The following PRKG1 variants were observed in gnomAD, a reference collection of about 807,000 sequenced individuals.
PRKG1 encodes the protein cGMP-dependent protein kinase 1.
PRKG1 carries 35 observed loss-of-function variants against 88.1 expected under a neutral mutation model. The observed-to-expected ratio is 0.40, with a 90% CI of 0.30 to 0.53. The LOEUF is 0.53. Ranked by LOEUF, PRKG1 falls within the 20% of genes least tolerant of loss-of-function variation. The pLI is 0.59. For synonymous variants in PRKG1, 303 were observed against 292.5 expected, an observed-to-expected ratio of 1.04 and a Z score of -0.37; for missense variants, 540 against 839.8, an observed-to-expected ratio of 0.64 and a Z score of 4.41.
At chr10:51,535,618 T>C (rs1444109944) in intron 3 of PRKG1, among the ~76,000 whole-genome samples, 1 of 152,050 alleles carries the variant, frequency 6.6e-6, no homozygotes, top group Non-Finnish European at 1.5e-5. Context: ...ATGTAGTAGC[T>C]TAAATGAGAA....
intron 7 of PRKG1, among the ~76,000 whole-genome samples, chr10:52,133,041 T>C (rs1265191102): frequency 6.6e-6 from 1 of 152,100 alleles, no homozygotes; most frequent in Non-Finnish European, 1.5e-5. Context: ...AGTTAAGTCT[T>C]AGTCATTCTT....
intron 6 of PRKG1, among the ~76,000 whole-genome samples, chr10:52,055,962 A>G (rs1205497814): frequency 6.6e-6 from 1 of 152,180 alleles, no homozygotes; most frequent in Non-Finnish European, 1.5e-5. Context: ...GTGTATGCAT[A>G]TGTCAGTATT....
intron 17 of PRKG1, 47 bp from the exon 18 acceptor site, chr10:52,293,755 T>C (rs1185545478): frequency 6.7e-7 from 1 of 1,489,926 alleles, no homozygotes; most frequent in Non-Finnish European, 9.3e-7. Flanking sequence ...CAGCTTGGAA[T>C]TCCACTAAAA....
intron 5 of PRKG1, among the ~76,000 whole-genome samples, chr10:51,952,545 A>G (rs1843209258): frequency 6.6e-6 from 1 of 152,228 alleles, no homozygotes; most frequent in African/African-American, 2.4e-5. Flanking sequence ...ATATATTTAG[A>G]TTAGATATAG....
chr10:51,821,648 T>C (rs1295499854), intron 4 of PRKG1, among the ~76,000 whole-genome samples: 11 of 152,088 alleles, frequency 7.2e-5, no homozygotes, highest in Non-Finnish European at 7.4e-5. Flanking sequence ...CACATTGACC[T>C]ATATATATTT....
intron 3 of PRKG1, among the ~76,000 whole-genome samples, chr10:51,667,889 GA>G (rs1207789629): frequency 1.3e-5 from 2 of 152,108 alleles, no homozygotes; most frequent in African/African-American, 4.8e-5. Flanking sequence ...AAACATTACT[GA>G]GTTATGTGCA....
chr10:52,116,939 T>C (rs1345478291), intron 7 of PRKG1, among the ~76,000 whole-genome samples: 1 of 151,846 alleles, frequency 6.6e-6, no homozygotes, highest in Non-Finnish European at 1.5e-5. Context: ...CAATATAGAG[T>C]AACTCTTCAG....
intron 1 of PRKG1, among the ~76,000 whole-genome samples, chr10:51,023,481 C>T (rs1044265885): frequency 6.6e-6 from 1 of 152,134 alleles, no homozygotes; most frequent in African/African-American, 2.4e-5. Context: ...TGTCAAATGA[C>T]AGGCTTATAG....
intron 8 of PRKG1, among the ~76,000 whole-genome samples, chr10:52,155,243 A>G (rs909305906): frequency 4.6e-5 from 7 of 152,082 alleles, no homozygotes; most frequent in Admixed American, 2.6e-4. Context: ...TATTTTCCAT[A>G]GTGGTTATAC....
intron 3 of PRKG1, among the ~76,000 whole-genome samples, chr10:51,473,015 A>T (rs1840090707): frequency 6.6e-6 from 1 of 151,966 alleles, no homozygotes; most frequent in Admixed American, 6.6e-5. Context: ...GTGACTTCCC[A>T]CAAATGTTAT....
intron 3 of PRKG1, among the ~76,000 whole-genome samples, chr10:51,566,475 T>C (rs1394214825): frequency 6.6e-6 from 1 of 152,078 alleles, no homozygotes; most frequent in Non-Finnish European, 1.5e-5. Flanking sequence ...GTGGGCAAAA[T>C]TTACAAAATC....
chr10:51,704,155 A>T (rs1049496236), intron 3 of PRKG1, among the ~76,000 whole-genome samples: 172 of 150,644 alleles, frequency 1.1e-3, no homozygotes, highest in Non-Finnish European at 2.1e-3. Flanking sequence ...AAAAAAAAAA[A>T]AAATTAAATA....
chr10:51,012,403 T>G (rs1206812154), intron 1 of PRKG1, among the ~76,000 whole-genome samples: 1 of 152,188 alleles, frequency 6.6e-6, no homozygotes, highest in Non-Finnish European at 1.5e-5. Context: ...TTTTATCCAT[T>G]CAGTACTTCT....
At chr10:51,366,601 G>A (rs1293709252) in intron 2 of PRKG1, among the ~76,000 whole-genome samples, 2 of 151,780 alleles carry the variant, frequency 1.3e-5, no homozygotes, top group African/African-American at 4.8e-5. Flanking sequence ...AGTTAACATG[G>A]CAATCTGTTT....
At chr10:52,098,617 T>A (rs1355017540) in intron 7 of PRKG1, among the ~76,000 whole-genome samples, 4 of 152,026 alleles carry the variant, frequency 2.6e-5, no homozygotes, top group Non-Finnish European at 5.9e-5. Context: ...TCGAGATAGA[T>A]GTGTAAATAG....
chr10:51,787,588 T>C (rs1169306829), intron 3 of PRKG1, among the ~76,000 whole-genome samples: 2 of 152,170 alleles, frequency 1.3e-5, no homozygotes, highest in Non-Finnish European at 2.9e-5. Context: ...GTAACTCTGC[T>C]GTGTATATTT....
At chr10:51,581,859 A>AG (rs1838047168) in intron 3 of PRKG1, among the ~76,000 whole-genome samples, 2 of 151,966 alleles carry the variant, frequency 1.3e-5, no homozygotes, top group Middle Eastern at 3.4e-3. Flanking sequence ...CAATAGTTTC[A>AG]GGGGGTCTCC....
At chr10:51,620,850 CT>C (rs1271541547) in intron 3 of PRKG1, among the ~76,000 whole-genome samples, 1 of 151,688 alleles carries the variant, frequency 6.6e-6, no homozygotes, top group Non-Finnish European at 1.5e-5. Context: ...GGACCAGTAT[CT>C]TTTTGACTGT....
intron 5 of PRKG1, among the ~76,000 whole-genome samples, chr10:51,912,833 C>A (rs1301914998): frequency 6.6e-6 from 1 of 151,820 alleles, no homozygotes; most frequent in African/African-American, 2.4e-5. Flanking sequence ...GTGAGTTTCT[C>A]CCCATGAGAT....
Sources: gnomAD v4.1 joint callset for allele counts (sites outside exome capture counted in the v4.1 genomes callset) on GRCh38, gnomAD v4.1.1 for gene constraint, MANE v1.5 for transcripts, NCBI Gene and HGNC (gene_info 2026-07-23, HGNC 2026-07-21) for gene names.